RPS6KC1: variants seen among roughly 807,000 people sequenced by gnomAD.
The protein encoded by RPS6KC1 is inactive ribosomal protein S6 kinase delta-1.
A neutral mutation model predicts 103.8 loss-of-function variants in RPS6KC1; 54 were observed. The ratio of observed to expected loss-of-function variants is 0.52; its 90% CI spans 0.42 to 0.65. The LOEUF (loss-of-function observed/expected upper bound fraction) is 0.65, where lower values mean the gene tolerates loss of function less well. Ranked by LOEUF, RPS6KC1 falls within the 30% of genes least tolerant of loss-of-function variation. RPS6KC1 has a pLI of 0.00. For synonymous variants in RPS6KC1, 439 were observed against 438.7 expected, an observed-to-expected ratio of 1.00 and a Z score of -0.01; for missense variants, 1,151 against 1,253.8, an observed-to-expected ratio of 0.92 and a Z score of 1.24.
chr1:213,423,284 G>A, the RPS6KC1 span, among the ~76,000 whole-genome samples: 1 of 152,186 alleles, frequency 6.6e-6, no homozygotes, highest in Non-Finnish European at 1.5e-5. Context: ...AGAGAAATGC[G>A]CCTCAGGTAG....
At chr1:213,774,004 C>T in the RPS6KC1 span, among the ~76,000 whole-genome samples, 2 of 152,202 alleles carry the variant, frequency 1.3e-5, no homozygotes, top group African/African-American at 4.8e-5. Flanking sequence ...CTGCTCACTC[C>T]ATGCTGTCAG....
chr1:213,546,566 A>G, the RPS6KC1 span: 1 of 152,236 alleles, frequency 6.6e-6, no homozygotes, highest in African/African-American at 2.4e-5. Flanking sequence ...CTTGTGCAAT[A>G]TGAAAGTTTA....
chr1:213,241,805 TTTG>T lies in RPS6KC1; in HGVS notation c.2331_2333del (p.Phe777_Val778delinsLeu). ...TGCACAGGAGGATCCCAGGATGTTA[TTTG>T]TAGCAGCTGTTGATCATAGTAGTTC... On this transcript the variant is annotated inframe_deletion, in exon 11 of 15. Coordinates refer to ENST00000366960, the MANE Select transcript of RPS6KC1 (RefSeq NM_012424.6). The T allele has an allele frequency of 1.9e-6, 3 of 1,614,010 alleles. No homozygotes were observed. The highest frequency in any genetic ancestry group is 2.5e-6 in the Non-Finnish European group (3 of 1,179,944).
At chr1:213,482,696 G>GCC in the RPS6KC1 span, among the ~76,000 whole-genome samples, 1 of 151,486 alleles carries the variant, frequency 6.6e-6, no homozygotes, top group Admixed American at 6.6e-5. Flanking sequence ...CTACAGGCAT[G>GCC]CACCACCACG....
chr1:213,441,801 T>A, the RPS6KC1 span, among the ~76,000 whole-genome samples: 1 of 152,332 alleles, frequency 6.6e-6, no homozygotes, highest in African/African-American at 2.4e-5. Flanking sequence ...ATAGTTAATA[T>A]CTGTTATAGA....
At chr1:213,513,665 C>T in the RPS6KC1 span, among the ~76,000 whole-genome samples, 1 of 152,184 alleles carries the variant, frequency 6.6e-6, no homozygotes, top group Non-Finnish European at 1.5e-5. Context: ...CCCAAACTTA[C>T]CATTTGAATG....
At chr1:213,420,775 G>C in the RPS6KC1 span, among the ~76,000 whole-genome samples, 69 of 152,102 alleles carry the variant, frequency 4.5e-4, no homozygotes, top group Middle Eastern at 6.8e-3. Context: ...GGTAGTTTAC[G>C]GGTTTACTCT....
the RPS6KC1 span, among the ~76,000 whole-genome samples, chr1:213,294,093 A>G: frequency 6.6e-6 from 1 of 152,348 alleles, no homozygotes; most frequent in South Asian, 2.1e-4. Context: ...TTCAGATGCC[A>G]CAGCATGAGA....
the RPS6KC1 span, among the ~76,000 whole-genome samples, chr1:213,663,431 A>G: frequency 6.6e-6 from 1 of 152,146 alleles, no homozygotes; most frequent in Non-Finnish European, 1.5e-5. Flanking sequence ...AGAACTCATC[A>G]GGTTCCTGGG....
At chr1:213,472,589 C>T in the RPS6KC1 span, among the ~76,000 whole-genome samples, 5 of 152,138 alleles carry the variant, frequency 3.3e-5, no homozygotes, top group Non-Finnish European at 7.3e-5. Context: ...TCTATGTGCA[C>T]GTGTCTTCAT....
the RPS6KC1 span, among the ~76,000 whole-genome samples, chr1:213,331,821 C>T: frequency 6.6e-6 from 1 of 152,110 alleles, no homozygotes; most frequent in Non-Finnish European, 1.5e-5. Flanking sequence ...AGGAACTTGT[C>T]CCCGCAGCTG....
At chr1:213,109,557 T>G (rs12752569) in intron 4 of RPS6KC1, among the ~76,000 whole-genome samples, 3 of 144,192 alleles carry the variant, frequency 2.1e-5, no homozygotes, top group Non-Finnish European at 4.6e-5. Context: ...AATTAAACTG[T>G]TTTTTTTTCC....
chr1:213,795,844 G>A, the RPS6KC1 span, among the ~76,000 whole-genome samples: 2 of 151,826 alleles, frequency 1.3e-5, no homozygotes, highest in East Asian at 1.9e-4. Flanking sequence ...AGCTTCTCTC[G>A]TTCTCTCTCA....
At chr1:213,662,986 C>T in the RPS6KC1 span, among the ~76,000 whole-genome samples, 1 of 152,158 alleles carries the variant, frequency 6.6e-6, no homozygotes, top group Non-Finnish European at 1.5e-5. Flanking sequence ...GTAGCCTGTC[C>T]ACCCTCGCTA....
the RPS6KC1 span, among the ~76,000 whole-genome samples, chr1:213,516,167 A>G: frequency 6.6e-6 from 1 of 152,176 alleles, no homozygotes; most frequent in Non-Finnish European, 1.5e-5. Flanking sequence ...CAATCATGTC[A>G]TCTGCAAACA....
At chr1:213,510,682 A>G in the RPS6KC1 span, among the ~76,000 whole-genome samples, 5 of 152,104 alleles carry the variant, frequency 3.3e-5, no homozygotes, top group African/African-American at 7.2e-5. Context: ...TTTCTCTAGG[A>G]AACCATTTCA....
intron 6 of RPS6KC1, among the ~76,000 whole-genome samples, chr1:213,166,739 C>G (rs941423599): frequency 6.6e-6 from 1 of 152,102 alleles, no homozygotes; most frequent in Admixed American, 6.6e-5. Flanking sequence ...AACTTTGTTG[C>G]AGCTTTTCGT....
At chr1:213,116,827 G>T (rs997162673) in intron 4 of RPS6KC1, among the ~76,000 whole-genome samples, 3 of 151,918 alleles carry the variant, frequency 2.0e-5, no homozygotes, top group African/African-American at 7.3e-5. Flanking sequence ...AGTTTGGCTG[G>T]ATATGAAATT....
chr1:213,242,607 G>A lies in RPS6KC1; in HGVS notation c.2860G>A (p.Val954Ile). The change falls in exon 12 of 15, where the codon GTT (valine) becomes ATT (isoleucine). Residue 954 changes from valine to isoleucine, a missense_variant. By Grantham distance (29) the Val-to-Ile change is conservative (BLOSUM62 3). Coordinates refer to ENST00000366960, the MANE Select transcript of RPS6KC1 (RefSeq NM_012424.6). Reference sequence around the variant, plus strand: ...AACGTATTTTAGCAGGTGGAGTGAGGTTGAAGATTCCTGTGACAGCGATGC... The same window carrying A: ...AACGTATTTTAGCAGGTGGAGTGAGATTGAAGATTCCTGTGACAGCGATGC... ...QLTYFSRWSE[V>I]EDSCDSDAIE... is the part of the protein sequence containing the mutation. 6.2e-7 allele frequency: 1 copy of A among 1,613,232 alleles called. No homozygotes were observed. Among genetic ancestry groups the A allele is most frequent in the Non-Finnish European group, 8.5e-7 (1 of 1,179,534 alleles).
Sources: allele counts gnomAD v4.1 joint callset (sites outside exome capture counted in the v4.1 genomes callset), GRCh38; gene constraint gnomAD v4.1.1; transcripts MANE v1.5; gene names NCBI Gene and HGNC (gene_info 2026-07-23, HGNC 2026-07-21).